The following CDK12 variants were observed in gnomAD, a reference collection of about 807,000 sequenced individuals.
The protein encoded by CDK12 is cyclin dependent kinase 12, also known as cyclin-dependent kinase 12.
CDK12 carries 17 observed loss-of-function variants against 133.8 expected under a neutral mutation model. The observed-to-expected ratio is 0.13, with a 90% confidence interval of 0.09 to 0.19. CDK12 has a LOEUF of 0.19. Ranked by LOEUF, CDK12 falls within the 10% of genes least tolerant of loss-of-function variation. The pLI is 1.00. For missense variants in CDK12, 1,508 were observed against 1,818.7 expected (o/e 0.83, Z 3.11); for synonymous variants, 694 against 683.6 (o/e 1.02, Z -0.24).
chr17:39,474,781 CTTTTTTTTTT>C (rs893347738), intron 2 of CDK12, among the ~76,000 whole-genome samples: 3 of 94,134 alleles, frequency 3.2e-5, no homozygotes, highest in Non-Finnish European at 6.3e-5. Flanking sequence ...ATGATGTTTC[CTTTTTTTTTT>C]TTTTTTTTTT....
chr17:39,472,696 CTAA>C (rs979136038), intron 2 of CDK12, among the ~76,000 whole-genome samples: 4 of 152,112 alleles, frequency 2.6e-5, no homozygotes, highest in African/African-American at 9.7e-5. Context: ...TGTGTCTCTC[CTAA>C]TAATAACGTT....
chr17:39,483,052 A>G (rs932342982), intron 2 of CDK12, among the ~76,000 whole-genome samples: 1 of 151,318 alleles, frequency 6.6e-6, no homozygotes, highest in Non-Finnish European at 1.5e-5. Context: ...AGCTGGGGTT[A>G]CAGGCTTGTG....
rs1295789231 is a variant in CDK12 at position 39,531,193 on chromosome 17, C to T, written c.4350C>T (p.Ala1450=). The T allele has an allele frequency of 1.3e-6, 2 of 1,521,084 alleles. No homozygotes were observed. Among genetic ancestry groups the T allele is most frequent in the African/African-American group, 2.8e-5 (2 of 71,858 alleles). The allele number at this position is 1,521,084 out of a possible 1,614,324, so 94.2% of individuals were successfully genotyped here. A position where few individuals can be genotyped will look rare whatever the true frequency, so the allele number is the denominator to read the frequency against. The change falls in exon 14 of 14, where the codon GCC becomes GCT. Residue 1450 remains alanine, a synonymous_variant. Coordinates refer to ENST00000447079, the MANE Select transcript of CDK12 (RefSeq NM_016507.4). ...YGELGPGTTG[A]SSSGAGLHWG... is the part of the protein sequence containing the mutation. Reference sequence around the variant, plus strand: ...AGCTGGGGCCAGGAACCACTGGGGCCAGCAGCTCAGGAGCAGGCCTTCACT... The same window carrying T: ...AGCTGGGGCCAGGAACCACTGGGGCTAGCAGCTCAGGAGCAGGCCTTCACT...
At position 39,471,450 on chromosome 17, in the gene CDK12, C is replaced by T; in HGVS notation, c.1618C>T (p.Pro540Ser). The T allele has an allele frequency of 6.2e-7, 1 of 1,611,478 alleles. No individual in the cohort carries two copies. Among genetic ancestry groups the T allele is most frequent in the South Asian group, 1.1e-5 (1 of 90,972 alleles). Residue 540 changes from proline to serine, a missense_variant, in exon 2 of 14, where the codon CCA becomes TCA. Transcript: ENST00000447079. ...AATTGCTTCTCCCCCACCCCCTCTA[C>T]CAACTACTACCCCTCCACCTCAGAC... ...PTIASPPPPL[P>S]TTTPPPQTPP...
Position 39,462,113 on chromosome 17 carries a change from T to C in CDK12, c.42T>C (p.Ser14=), listed in dbSNP as rs2048999631. ...GACATGGGGGCAAGAAGGACGGGAGTGGAGGAGCTTCTGGAACTTTGCAGC... is the reference window on the plus strand; with the variant it reads ...GACATGGGGGCAAGAAGGACGGGAGCGGAGGAGCTTCTGGAACTTTGCAGC... The part of the protein sequence containing the change: ...SERHGGKKDG[S]GGASGTLQPS... The change falls in exon 1 of 14, where the codon AGT becomes AGC. Residue 14 remains serine (S), a synonymous_variant. Coordinates refer to ENST00000447079, the MANE Select transcript of CDK12 (RefSeq NM_016507.4). 3.7e-6 allele frequency: 6 copies of C among 1,613,366 alleles called. No individual in the cohort carries two copies. The highest frequency in any genetic ancestry group is 1.6e-4 in the Middle Eastern group (1 of 6,080).
downstream of CDK12, among the ~76,000 whole-genome samples, chr17:39,536,809 T>C (rs2055153975): frequency 6.6e-6 from 1 of 152,200 alleles, no homozygotes; most frequent in Non-Finnish European, 1.5e-5. Context: ...AGTTTGTCTT[T>C]CATACCCTCT....
At chr17:39,558,438 G>A (rs1385997893) in intron 3 of CDK12, among the ~76,000 whole-genome samples, 1 of 152,182 alleles carries the variant, frequency 6.6e-6, no homozygotes, top group East Asian at 1.9e-4. Context: ...CCAGTAAAGA[G>A]AACTCCATTT....
chr17:39,531,079 A>G lies in CDK12; in HGVS notation c.4236A>G (p.Leu1412=), dbSNP rs1354281632. 3 of 1,603,490 alleles carry G rather than the reference A, an allele frequency of 1.9e-6. No individual in the cohort carries two copies. The African/African-American group carries it at 4.0e-5, about 22-fold the overall frequency. The part of the protein sequence containing the change: ...DLRFARVPLA[L]HPVVGQPFLK... ...GTTTTGCCAGGGTCCCCTTAGCGTT[A>G]CACCCGGTGGTCGGGCAACCATTCC... Residue 1412 remains leucine (L), a synonymous_variant, in exon 14 of 14, where the codon TTA becomes TTG. Coordinates refer to ENST00000447079, the MANE Select transcript of CDK12 (RefSeq NM_016507.4).
intron 5 of CDK12, among the ~76,000 whole-genome samples, chr17:39,497,379 C>T (rs1252525386): frequency 1.3e-5 from 2 of 151,980 alleles, no homozygotes; most frequent in Non-Finnish European, 2.9e-5. Flanking sequence ...CCCCTCTCTA[C>T]TAAAAATGCG....
rs113635027 is a variant in CDK12, at chr17:39,532,116, C to A, written c.*800C>A. 3.3e-3 allele frequency: 643 copies of A among 192,200 alleles called. No homozygotes were observed. The highest frequency in any genetic ancestry group is 7.4e-3 in the African/African-American group (260 of 35,024). The allele number at this position is 192,200 out of a possible 1,614,324, so 11.9% of individuals were successfully genotyped here. ...TCTCTCTCTCTTTCTCTCTCTCTCTCTCTCTCTCTCTCTCTCTCTCTCTCT... is the reference window on the plus strand; with the variant it reads ...TCTCTCTCTCTTTCTCTCTCTCTCTATCTCTCTCTCTCTCTCTCTCTCTCT... On this transcript the variant is annotated 3_prime_UTR_variant, in exon 14 of 14. Transcript: ENST00000447079.
chr17:39,561,929 A>C (rs1460945252), intron 3 of CDK12, among the ~76,000 whole-genome samples: 1 of 152,148 alleles, frequency 6.6e-6, no homozygotes, highest in Non-Finnish European at 1.5e-5. Context: ...AATGGGGACT[A>C]TAAGGATTAT....
At chr17:39,474,836 A>AT (rs1266505624) in intron 2 of CDK12, among the ~76,000 whole-genome samples, 3 of 18,178 alleles carry the variant, frequency 1.7e-4, no homozygotes, top group African/African-American at 5.2e-4. Flanking sequence ...CTGATTTTTT[A>AT]TTTTTATTTT....
downstream of CDK12, among the ~76,000 whole-genome samples, chr17:39,538,038 A>G (rs541596518): frequency 1.3e-5 from 2 of 152,312 alleles, no homozygotes; most frequent in East Asian, 3.9e-4. Flanking sequence ...TCTTACCTTT[A>G]GGGTTGGAGG....
chr17:39,526,310 G>A lies in CDK12; in HGVS notation c.3754G>A (p.Ala1252Thr), dbSNP rs1446971298. ...RRTPTMPQEE[A>T]AACPPHILPP... ...AACTCCCACAATGCCACAGGAGGAGGCAGCAGGTAAACAGACCGGTCATGA... is the reference window on the plus strand; with the variant it reads ...AACTCCCACAATGCCACAGGAGGAGACAGCAGGTAAACAGACCGGTCATGA... The change falls in exon 13 of 14, where the codon GCA becomes ACA. Residue 1252 changes from alanine to threonine, a missense_variant. Around this residue, in one of 9 missense-constraint regions of CDK12, gnomAD observed 399 missense variants for 469.6 expected, o/e 0.85. Transcript: ENST00000447079. 6.3e-7 allele frequency: 1 copy of A among 1,587,264 alleles called. No homozygotes were observed. The highest frequency in any genetic ancestry group is 8.6e-7 in the Non-Finnish European group (1 of 1,167,782).
At chr17:39,520,193 G>T in intron 11 of CDK12, 106 bp downstream of exon 11, 1 of 1,156,558 alleles carries the variant, frequency 8.6e-7, no homozygotes, top group Non-Finnish European at 1.2e-6. Flanking sequence ...AAATGAAGAG[G>T]TGTCTTTGAG....
chr17:39,520,606 G>A (rs941315400), intron 11 of CDK12, among the ~76,000 whole-genome samples: 7 of 152,022 alleles, frequency 4.6e-5, no homozygotes, highest in Non-Finnish European at 2.9e-5. Flanking sequence ...GGCCCAGCTG[G>A]TCTCGAACTC....
At position 39,532,204 on chromosome 17, in the gene CDK12, T is replaced by C. The variant is rs916695308; in HGVS notation, c.*888T>C. 8.6e-6 allele frequency: 2 copies of C among 232,746 alleles called. No individual in the cohort carries two copies. Among genetic ancestry groups the C allele is most frequent in the Non-Finnish European group, 1.7e-5 (2 of 117,934 alleles). The allele number at this position is 232,746 out of a possible 1,614,324, so 14.4% of individuals were successfully genotyped here. A position where few individuals can be genotyped will look rare whatever the true frequency, so the allele number is the denominator to read the frequency against. On this transcript the variant is annotated 3_prime_UTR_variant, in exon 14 of 14. Coordinates refer to ENST00000447079, the MANE Select transcript of CDK12 (RefSeq NM_016507.4). ...TGAGGCATTTGTTTGGAAAAAATCGTTGAGATGCCCAAGAACCTGGGATAA... is the reference window on the plus strand; with the variant it reads ...TGAGGCATTTGTTTGGAAAAAATCGCTGAGATGCCCAAGAACCTGGGATAA...
intron 1 of CDK12, among the ~76,000 whole-genome samples, chr17:39,467,873 A>G (rs1019960140): frequency 4.6e-5 from 7 of 151,166 alleles, no homozygotes; most frequent in African/African-American, 1.7e-4. Context: ...TTTTAGTCCT[A>G]TTGATTCCAA....
Position 39,468,185 on chromosome 17 carries a change from G to A in CDK12, c.1047-2694G>A, listed in dbSNP as rs192876385. ...GCTGGGATTACAGGCGTGAGCCACCGCGCCCAGCTTCCAATAATAATTTTA... is the reference window on the plus strand; with the variant it reads ...GCTGGGATTACAGGCGTGAGCCACCACGCCCAGCTTCCAATAATAATTTTA... On this transcript the variant is annotated intron_variant, in intron 1 of 13. Coordinates refer to ENST00000447079, the MANE Select transcript of CDK12 (RefSeq NM_016507.4). Among the ~76,000 whole-genome samples, 265 of 152,174 alleles carry A rather than the reference G, an allele frequency of 1.7e-3. 1 individual carries two copies. The highest frequency in any genetic ancestry group is 3.3e-3 in the Admixed American group (51 of 15,266).
Sources: gnomAD v4.1 joint callset for allele counts (sites outside exome capture counted in the v4.1 genomes callset) on GRCh38, gnomAD v4.1.1 for gene constraint, gnomAD v4.1.1 regional missense constraint, MANE v1.5 for transcripts, NCBI Gene and HGNC (gene_info 2026-07-23, HGNC 2026-07-21) for gene names.